Variants in KHDRBS2 observed in about 807,000 individuals in gnomAD.
KHDRBS2 encodes KH RNA binding domain containing, signal transduction associated 2.
In KHDRBS2, 26 loss-of-function variants were observed where a neutral mutation model predicts 44.3. That is an observed-to-expected ratio of 0.59 (90% confidence interval 0.43 to 0.81). KHDRBS2 has a LOEUF of 0.81. Ranked by LOEUF, KHDRBS2 falls within the 40% of genes least tolerant of loss-of-function variation. The pLI, the probability that KHDRBS2 is intolerant of heterozygous loss-of-function variation, is 0.00. For synonymous variants in KHDRBS2, 194 were observed against 151.1 expected (o/e 1.28, Z -2.08); for missense variants, 476 against 433.1 (o/e 1.10, Z -0.88).
chr6:61,739,110 T>C (rs1013159295), intron 6 of KHDRBS2, among the ~76,000 whole-genome samples: 8 of 151,934 alleles, frequency 5.3e-5, no homozygotes, highest in Admixed American at 1.3e-4. Flanking sequence ...ATATAGAATT[T>C]ATTATACATT....
intron 6 of KHDRBS2, among the ~76,000 whole-genome samples, chr6:61,775,490 C>T (rs1318067919): frequency 3.3e-5 from 5 of 152,146 alleles, no homozygotes; most frequent in Non-Finnish European, 7.3e-5. Flanking sequence ...CATTCTTATA[C>T]AGCAATAACA....
intron 6 of KHDRBS2, among the ~76,000 whole-genome samples, chr6:61,736,552 C>G (rs1775390257): frequency 1.3e-5 from 2 of 152,028 alleles, no homozygotes; most frequent in Admixed American, 6.6e-5. Flanking sequence ...ATGCAAGACT[C>G]AAGGTCTCTA....
rs768392085 is a variant in KHDRBS2, at chr6:62,177,299, A to G, written c.105T>C (p.Phe35=). 1.3e-6 allele frequency: 2 copies of G among 1,594,226 alleles called. No individual in the cohort carries two copies. Among genetic ancestry groups the G allele is most frequent in the Non-Finnish European group, 8.6e-7 (1 of 1,167,570 alleles). ...CTTCCTTTTTTCCATCAGAACCTTG[A>G]AACTTTTCAATTTCTGGAAGAAAAT... ...SRLLAEEIEK[F]QGSDGKKEDE... The change falls in exon 2 of 9, where the codon TTT becomes TTC. Residue 35 remains phenylalanine, a synonymous_variant. Transcript: ENST00000281156.
chr6:61,840,796 C>T (rs767987360), intron 6 of KHDRBS2, among the ~76,000 whole-genome samples: 5 of 152,072 alleles, frequency 3.3e-5, no homozygotes, highest in Admixed American at 6.6e-5. Flanking sequence ...AAATTCTTAT[C>T]GTGTTTTTAC....
intron 4 of KHDRBS2, among the ~76,000 whole-genome samples, chr6:61,937,431 A>G (rs1246256844): frequency 6.6e-6 from 1 of 152,054 alleles, no homozygotes; most frequent in African/African-American, 2.4e-5. Flanking sequence ...TCTAACTACT[A>G]CACAACGTCA....
chr6:61,636,308 C>A, the KHDRBS2 span, among the ~76,000 whole-genome samples: 2 of 151,944 alleles, frequency 1.3e-5, no homozygotes, highest in Non-Finnish European at 2.9e-5. Flanking sequence ...TTACTAATCA[C>A]CTCTAAAACA....
At chr6:62,226,230 C>G (rs976209122) in intron 1 of KHDRBS2, among the ~76,000 whole-genome samples, 2 of 152,164 alleles carry the variant, frequency 1.3e-5, no homozygotes, top group Non-Finnish European at 2.9e-5. Context: ...AATCGCCATT[C>G]TGACTGGCAT....
intron 3 of KHDRBS2, among the ~76,000 whole-genome samples, chr6:62,005,800 T>C (rs964009601): frequency 6.6e-6 from 1 of 151,832 alleles, no homozygotes; most frequent in Admixed American, 6.6e-5. Flanking sequence ...ATAAAGCAGA[T>C]ATCAAAACCA....
intron 8 of KHDRBS2, among the ~76,000 whole-genome samples, chr6:61,688,405 A>C (rs1175487024): frequency 6.6e-6 from 1 of 151,952 alleles, no homozygotes; most frequent in Non-Finnish European, 1.5e-5. Context: ...ATTCAGCTAG[A>C]GGCTTTTTGA....
the KHDRBS2 span, among the ~76,000 whole-genome samples, chr6:61,545,938 C>T: frequency 6.6e-6 from 1 of 152,114 alleles, no homozygotes; most frequent in African/African-American, 2.4e-5. Context: ...AGACGCATCG[C>T]TATTCCCTGA....
chr6:62,096,252 T>C (rs1243548596), intron 2 of KHDRBS2, among the ~76,000 whole-genome samples: 1 of 151,778 alleles, frequency 6.6e-6, no homozygotes, highest in African/African-American at 2.4e-5. Context: ...GAATTCCCTT[T>C]GTTTCAGTTT....
intron 6 of KHDRBS2, among the ~76,000 whole-genome samples, chr6:61,764,752 T>C (rs1025868321): frequency 6.6e-6 from 1 of 152,156 alleles, no homozygotes; most frequent in Non-Finnish European, 1.5e-5. Context: ...TAAATTTGTT[T>C]AAGTTCCTTG....
intron 6 of KHDRBS2, among the ~76,000 whole-genome samples, chr6:61,775,948 G>C (rs1223209930): frequency 6.6e-6 from 1 of 152,162 alleles, no homozygotes; most frequent in African/African-American, 2.4e-5. Context: ...CAGAGATATA[G>C]ATCAATGGAA....
chr6:61,600,319 C>T, the KHDRBS2 span, among the ~76,000 whole-genome samples: 2 of 152,160 alleles, frequency 1.3e-5, no homozygotes, highest in African/African-American at 4.8e-5. Context: ...TGATGACAGT[C>T]CACCACAAAA....
At chr6:62,272,004 C>G (rs1840170582) in intron 1 of KHDRBS2, among the ~76,000 whole-genome samples, 1 of 152,150 alleles carries the variant, frequency 6.6e-6, no homozygotes, top group Non-Finnish European at 1.5e-5. Flanking sequence ...GACTAACTCA[C>G]CCAGAGCAAC....
chr6:61,901,029 G>C (rs1463927667), intron 5 of KHDRBS2, among the ~76,000 whole-genome samples: 1 of 152,088 alleles, frequency 6.6e-6, no homozygotes, highest in Non-Finnish European at 1.5e-5. Context: ...TTTCTCACCT[G>C]CAGATGCTAT....
intron 4 of KHDRBS2, among the ~76,000 whole-genome samples, chr6:61,958,212 C>A (rs184383092): frequency 6.6e-6 from 1 of 152,098 alleles, no homozygotes; most frequent in East Asian, 1.9e-4. Context: ...TTCTTAATTT[C>A]TTTGTGGACA....
At chr6:62,041,196 T>A (rs1786407763) in intron 3 of KHDRBS2, among the ~76,000 whole-genome samples, 1 of 151,996 alleles carries the variant, frequency 6.6e-6, no homozygotes, top group Non-Finnish European at 1.5e-5. Context: ...CAGGGCATGG[T>A]GGCGGGCGCC....
chr6:61,683,744 T>A (rs971620449), intron 8 of KHDRBS2, among the ~76,000 whole-genome samples: 2 of 151,886 alleles, frequency 1.3e-5, no homozygotes, highest in Non-Finnish European at 2.9e-5. Flanking sequence ...AGTATCATAT[T>A]TCATGGCACA....
Sources: allele counts gnomAD v4.1 joint callset (sites outside exome capture counted in the v4.1 genomes callset), GRCh38; gene constraint gnomAD v4.1.1; transcripts MANE v1.5; gene names NCBI Gene and HGNC (gene_info 2026-07-23, HGNC 2026-07-21).